The following IGSF3 variants were observed in gnomAD, a reference collection of about 807,000 sequenced individuals.
IGSF3 encodes the protein glu-Trp-Ile EWI motif-containing protein 3.
Under a neutral mutation model 114.4 loss-of-function variants are expected in IGSF3, and 23 were observed. The ratio of observed to expected loss-of-function variants is 0.20; its 90% confidence interval spans 0.14 to 0.28. The LOEUF (loss-of-function observed/expected upper bound fraction) is 0.28. Among genes scored for constraint, IGSF3 ranks in the 10% least tolerant of loss-of-function variants. The pLI, the probability that IGSF3 is intolerant of heterozygous loss-of-function variation, is 1.00. For synonymous variants in IGSF3, 571 were observed against 645.2 expected (o/e 0.88, Z 1.74); for missense variants, 1,172 against 1,591.5 (o/e 0.74, Z 4.48).
Position 116,625,710 on chromosome 1 carries a change from G to A in IGSF3, c.44-9253C>T, listed in dbSNP as rs1417184071. 1.3e-5 allele frequency among the ~76,000 whole-genome samples: 2 copies of A among 152,120 alleles called. No homozygotes were observed. Among genetic ancestry groups the A allele is most frequent in the African/African-American group, 4.8e-5 (2 of 41,420 alleles). On this transcript the variant is annotated intron_variant, in intron 2 of 10. Coordinates refer to ENST00000369486, the MANE Select transcript of IGSF3 (RefSeq NM_001007237.3). The surrounding 1 kb of genome is among the most constrained non-coding windows in gnomAD (Gnocchi z 4.7). ...GGGCCTGGCCTGGTTTTAAATCCAA[G>A]GACAAAAATATCATTCATTCACTCT...
rs1557856729 is a variant in IGSF3, at chr1:116,585,021, C to T, written c.2472G>A (p.Gly824=). 1 of 1,555,982 alleles carries T rather than the reference C, an allele frequency of 6.4e-7. No homozygotes were observed. The highest frequency in any genetic ancestry group is 8.7e-7 in the Non-Finnish European group (1 of 1,146,018). ...DSRLRLSQAQ[G]NLSVLETRQV... is the part of the protein sequence containing the mutation. ...GCCGGGTCTCCAGAACCGACAGGTT[C>T]CCCTGGGCTTGGCTGAGCCTCAGGC... The change falls in exon 9 of 11, where the codon GGG becomes GGA. Residue 824 remains glycine (G), a synonymous_variant. Transcript: ENST00000369486. The surrounding 1 kb of genome is among the most constrained non-coding windows in gnomAD (Gnocchi z 4.9).
At position 116,644,607 on chromosome 1, in the gene IGSF3, T is replaced by G. The variant is rs1024310657; in HGVS notation, c.43+21677A>C. Among the ~76,000 whole-genome samples the G allele has an allele frequency of 6.6e-6, 1 of 152,164 alleles. No individual in the cohort carries two copies. The highest frequency in any genetic ancestry group is 2.4e-5 in the African/African-American group (1 of 41,426). On this transcript the variant is annotated intron_variant, in intron 2 of 10. Coordinates refer to ENST00000369486, the MANE Select transcript of IGSF3 (RefSeq NM_001007237.3). The surrounding 1 kb of genome is among the most constrained non-coding windows in gnomAD (Gnocchi z 5.6). Reference sequence around the variant, plus strand: ...CCATGGGCTGCAAGTGGGTCCCACGTCACCCACAGGTGAATCTTAATTATG... The same window carrying G: ...CCATGGGCTGCAAGTGGGTCCCACGGCACCCACAGGTGAATCTTAATTATG...
In IGSF3 at chr1:116,647,431, A is replaced by G. The variant is rs1648430348; in HGVS notation, c.43+18853T>C. On this transcript the variant is annotated intron_variant, in intron 2 of 10. Coordinates refer to ENST00000369486, the MANE Select transcript of IGSF3 (RefSeq NM_001007237.3). This position sits in a 1 kb window ranked among gnomAD's most constrained non-coding sequence, Gnocchi z 4.6. ...CTCCAAATGGTCACACCATGTCTACAGCCAATCAGCTGACCGGGGTGGCAA... is the reference window on the plus strand; with the variant it reads ...CTCCAAATGGTCACACCATGTCTACGGCCAATCAGCTGACCGGGGTGGCAA... 6.6e-6 allele frequency among the ~76,000 whole-genome samples: 1 copy of G among 152,214 alleles called. No homozygotes were observed. The highest frequency in any genetic ancestry group is 2.4e-5 in the African/African-American group (1 of 41,458).
chr1:116,656,953 T>C (rs757442937), intron 2 of IGSF3, among the ~76,000 whole-genome samples: 33 of 152,080 alleles, frequency 2.2e-4, no homozygotes, highest in Non-Finnish European at 3.2e-4. Context: ...AATTAATTAA[T>C]TAATTAAAGC....
chr1:116,659,972 C>G (rs1042568384), intron 2 of IGSF3, among the ~76,000 whole-genome samples: 1 of 152,074 alleles, frequency 6.6e-6, no homozygotes, highest in Non-Finnish European at 1.5e-5. Flanking sequence ...ACTGCACACC[C>G]AAAGCCAGGG....
intron 2 of IGSF3, among the ~76,000 whole-genome samples, chr1:116,626,231 A>T (rs1432014513): frequency 6.6e-6 from 1 of 151,782 alleles, no homozygotes; most frequent in Non-Finnish European, 1.5e-5. Context: ...ACTGTGATTT[A>T]AGGATAGAGC....
At chr1:116,621,920 T>C (rs1571166861) in intron 2 of IGSF3, among the ~76,000 whole-genome samples, 1 of 152,188 alleles carries the variant, frequency 6.6e-6, no homozygotes, top group Admixed American at 6.5e-5. Flanking sequence ...TGTGCTCAAG[T>C]CCTAGATAAA....
chr1:116,587,099 A>G (rs1231242199), intron 8 of IGSF3, among the ~76,000 whole-genome samples: 1 of 152,182 alleles, frequency 6.6e-6, no homozygotes, highest in Non-Finnish European at 1.5e-5. Context: ...ATCGGGTTCC[A>G]CTGGCTTACT....
rs1648801395 is a variant in IGSF3, at chr1:116,655,349, G to A, written c.43+10935C>T. 1.3e-5 allele frequency among the ~76,000 whole-genome samples: 2 copies of A among 152,212 alleles called. No homozygotes were observed. The highest frequency in any genetic ancestry group is 4.1e-4 in the South Asian group (2 of 4,828). On this transcript the variant is annotated intron_variant, in intron 2 of 10. Coordinates refer to ENST00000369486, the MANE Select transcript of IGSF3 (RefSeq NM_001007237.3). This position sits in a 1 kb window ranked among gnomAD's most constrained non-coding sequence, Gnocchi z 4.3. ...CAAACACTGATGTTTAAGAAGGGAT[G>A]ACTATGACACATGAATCCCACAGCC...
chr1:116,612,949 AGGGAG>A lies in IGSF3; in HGVS notation c.832+811_832+815del, dbSNP rs1661079781. On this transcript the variant is annotated intron_variant, in intron 4 of 10. Coordinates refer to ENST00000369486, the MANE Select transcript of IGSF3 (RefSeq NM_001007237.3). This position sits in a 1 kb window ranked among gnomAD's most constrained non-coding sequence, Gnocchi z 4.1. ...GCCACAGGAGATACCAAGAGAAGCC[AGGGAG>A]GGTTTCAGCTGGCTGTGCCACCATC... 6.6e-6 allele frequency among the ~76,000 whole-genome samples: 1 copy of A among 152,220 alleles called. No individual in the cohort carries two copies.
chr1:116,602,966 G>GC (rs1381208061), intron 6 of IGSF3, among the ~76,000 whole-genome samples: 6 of 152,192 alleles, frequency 3.9e-5, no homozygotes, highest in Non-Finnish European at 8.8e-5. Context: ...TTAGGTATGG[G>GC]CCCCGTCAGG....
chr1:116,659,549 T>C (rs538489591), intron 2 of IGSF3, among the ~76,000 whole-genome samples: 2 of 152,312 alleles, frequency 1.3e-5, no homozygotes, highest in East Asian at 1.9e-4. Context: ...TGTGTTCACT[T>C]TGAAGCAGTA....
chr1:116,620,992 G>A (rs994026135), intron 2 of IGSF3, among the ~76,000 whole-genome samples: 1 of 152,164 alleles, frequency 6.6e-6, no homozygotes, highest in African/African-American at 2.4e-5. Flanking sequence ...AATCCCCAAT[G>A]TTAGAGGTGG....
chr1:116,634,285 C>T lies in IGSF3; in HGVS notation c.44-17828G>A, dbSNP rs1300240548. 6.6e-5 allele frequency among the ~76,000 whole-genome samples: 10 copies of T among 152,116 alleles called. No homozygotes were observed. The highest frequency in any genetic ancestry group is 9.7e-5 in the African/African-American group (4 of 41,410). ...TAATTTTAAATTTCTCCTAATAAAA[C>T]GCTGTTTAAAAATCTAAGAGGAAAA... On this transcript the variant is annotated intron_variant, in intron 2 of 10. Transcript: ENST00000369486. The surrounding 1 kb of genome is among the most constrained non-coding windows in gnomAD (Gnocchi z 4.2).
At chr1:116,578,259 C>T (rs1434623126) in intron 10 of IGSF3, among the ~76,000 whole-genome samples, 4 of 152,298 alleles carry the variant, frequency 2.6e-5, no homozygotes, top group Non-Finnish European at 5.9e-5. Context: ...TGGGTGACCT[C>T]TGTGCTCGAT....
chr1:116,609,101 C>A (rs1165297809), intron 4 of IGSF3, among the ~76,000 whole-genome samples: 4 of 151,646 alleles, frequency 2.6e-5, no homozygotes, highest in African/African-American at 2.4e-5. Context: ...CCTGGTTAAA[C>A]CTTAGTAGGT....
At chr1:116,602,299 C>A (rs1423557228) in intron 6 of IGSF3, among the ~76,000 whole-genome samples, 1 of 151,774 alleles carries the variant, frequency 6.6e-6, no homozygotes, top group African/African-American at 2.4e-5. Flanking sequence ...TAAATTACTT[C>A]TAGAGAAACA....
chr1:116,639,456 A>T (rs547279694), intron 2 of IGSF3, among the ~76,000 whole-genome samples: 1 of 152,336 alleles, frequency 6.6e-6, no homozygotes, highest in South Asian at 2.1e-4. Context: ...AGCAAACCAC[A>T]GGTGTGGAGA....
rs1660736728 is a variant in IGSF3, at chr1:116,605,033, A to T, written c.1223-1008T>A. 6.6e-6 allele frequency among the ~76,000 whole-genome samples: 1 copy of T among 152,196 alleles called. No individual in the cohort carries two copies. The highest frequency in any genetic ancestry group is 2.4e-5 in the African/African-American group (1 of 41,450). ...ATTCCACATAACTCTTTGTTTTTAT[A>T]AACATCACAGATAGCCTAATATGTT... On this transcript the variant is annotated intron_variant, in intron 5 of 10. Coordinates refer to ENST00000369486, the MANE Select transcript of IGSF3 (RefSeq NM_001007237.3). The surrounding 1 kb of genome is among the most constrained non-coding windows in gnomAD (Gnocchi z 5.1).
Sources: allele counts gnomAD v4.1 joint callset (sites outside exome capture counted in the v4.1 genomes callset), GRCh38; gene constraint gnomAD v4.1.1; non-coding constraint Gnocchi (gnomAD v3.1); transcripts MANE v1.5; gene names NCBI Gene and HGNC (gene_info 2026-07-23, HGNC 2026-07-21).